The following KAZN variants were observed in gnomAD, a reference collection of about 807,000 sequenced individuals.
The protein encoded by KAZN is kazrin.
Under a neutral mutation model 87.4 loss-of-function variants are expected in KAZN, and 40 were observed. That is an observed-to-expected ratio of 0.46 (90% CI 0.36 to 0.60). The LOEUF is 0.60. Ranked by LOEUF, KAZN falls within the 20% of genes least tolerant of loss-of-function variation. The pLI is 0.00. For missense variants in KAZN, 898 were observed against 1,073.9 expected (o/e 0.84, Z 2.29); for synonymous variants, 466 against 458.3 (o/e 1.02, Z -0.22).
chr1:14,516,777 T>C lies in KAZN; in HGVS notation c.250-82206T>C, dbSNP rs140824992. On this transcript the variant is annotated intron_variant, in intron 2 of 16. Coordinates refer to the KAZN transcript ENST00000636203. ...GTCCTTACCTATTGGTTCCTGTCCT[T>C]TTCCCATCCACAGCTCCATTTCTCT... Among the ~76,000 whole-genome samples, 50 of 152,284 alleles carry C rather than the reference T, an allele frequency of 3.3e-4. 1 individual carries two copies. The highest frequency in any genetic ancestry group is 1.2e-3 in the African/African-American group (48 of 41,560).
chr1:14,449,500 C>T (rs942757716), intron 2 of KAZN, among the ~76,000 whole-genome samples: 7 of 152,142 alleles, frequency 4.6e-5, no homozygotes, highest in Non-Finnish European at 2.9e-5. Flanking sequence ...TCCATGCCTC[C>T]CTGGGCAGCA....
chr1:14,956,299 GAAAAAA>G (rs35057453), intron 1 of KAZN, among the ~76,000 whole-genome samples: 1 of 99,592 alleles, frequency 1.0e-5, no homozygotes, highest in African/African-American at 4.5e-5. Context: ...AGAAGTCACT[GAAAAAA>G]AAAAAAAAAA....
intron 2 of KAZN, among the ~76,000 whole-genome samples, chr1:14,246,550 C>T (rs1571130284): frequency 6.6e-6 from 1 of 151,984 alleles, no homozygotes; most frequent in East Asian, 1.9e-4. Context: ...ATATATAACA[C>T]ACTTATGAAA....
chr1:14,504,837 CAAATT>C (rs1670465147), intron 2 of KAZN, among the ~76,000 whole-genome samples: 2 of 152,192 alleles, frequency 1.3e-5, no homozygotes, highest in African/African-American at 4.8e-5. Flanking sequence ...TGGAGGCCAA[CAAATT>C]AAAGGTTTTA....
intron 1 of KAZN, among the ~76,000 whole-genome samples, chr1:14,777,085 C>T (rs1645199102): frequency 6.6e-6 from 1 of 152,190 alleles, no homozygotes; most frequent in African/African-American, 2.4e-5. Context: ...ACTGCAAGTG[C>T]TGCCTCCCGG....
At chr1:14,886,896 C>G (rs1654128855) in intron 1 of KAZN, among the ~76,000 whole-genome samples, 1 of 152,192 alleles carries the variant, frequency 6.6e-6, no homozygotes, top group Non-Finnish European at 1.5e-5. Flanking sequence ...TCGTTAAGAG[C>G]TCCATAGGAC....
chr1:15,052,410 G>A (rs769084962), intron 4 of KAZN, among the ~76,000 whole-genome samples: 2 of 152,052 alleles, frequency 1.3e-5, no homozygotes, highest in South Asian at 2.1e-4. Flanking sequence ...AGAACAGCAC[G>A]GGAAAAACCT....
chr1:14,299,970 A>G (rs1557625164), intron 2 of KAZN, among the ~76,000 whole-genome samples: 1 of 152,110 alleles, frequency 6.6e-6, no homozygotes, highest in Non-Finnish European at 1.5e-5. Flanking sequence ...TAACATGGTT[A>G]GTTGGGAAAG....
chr1:14,430,487 TACTG>T (rs1665992383), intron 2 of KAZN, among the ~76,000 whole-genome samples: 1 of 152,218 alleles, frequency 6.6e-6, no homozygotes, highest in African/African-American at 2.4e-5. Context: ...GTCCTATTGA[TACTG>T]ACATCTTTTA....
At chr1:14,913,592 A>G (rs1381040050) in intron 1 of KAZN, among the ~76,000 whole-genome samples, 12 of 152,342 alleles carry the variant, frequency 7.9e-5, no homozygotes, top group Admixed American at 5.9e-4. Flanking sequence ...TGTCCAGAGT[A>G]CAGAACTCTC....
chr1:14,680,157 G>A (rs747431962), intron 1 of KAZN, among the ~76,000 whole-genome samples: 1 of 152,108 alleles, frequency 6.6e-6, no homozygotes, highest in Non-Finnish European at 1.5e-5. Flanking sequence ...AAAAATTACG[G>A]TATGATTCAC....
intron 1 of KAZN, among the ~76,000 whole-genome samples, chr1:14,072,605 C>T (rs1158618343): frequency 6.6e-6 from 1 of 152,134 alleles, no homozygotes; most frequent in Non-Finnish European, 1.5e-5. Context: ...ATTATGAAAG[C>T]CCTGGTATCC....
chr1:13,946,792 G>A (rs1416738794), intron 1 of KAZN, among the ~76,000 whole-genome samples: 1 of 152,160 alleles, frequency 6.6e-6, no homozygotes, highest in African/African-American at 2.4e-5. Flanking sequence ...CACTGCACCT[G>A]AGCCCTGTAA....
At chr1:14,510,378 C>CAA (rs70997152) in intron 2 of KAZN, among the ~76,000 whole-genome samples, 29,755 of 144,266 alleles carry the variant, frequency 0.21, 3,275 homozygotes, top group East Asian at 0.36. Flanking sequence ...AACTCCATCT[C>CAA]AAAAAAAAAA....
intron 1 of KAZN, among the ~76,000 whole-genome samples, chr1:14,851,322 C>T (rs1020338950): frequency 6.6e-6 from 1 of 152,204 alleles, no homozygotes; most frequent in Non-Finnish European, 1.5e-5. Flanking sequence ...CCAGCATGCC[C>T]TTCGTGTCCC....
intron 8 of KAZN, among the ~76,000 whole-genome samples, chr1:15,074,162 GT>G (rs1639634652): frequency 6.6e-6 from 1 of 152,376 alleles, no homozygotes; most frequent in South Asian, 2.1e-4. Context: ...CCTGTGGCCT[GT>G]GAAATCTGAG....
At chr1:14,572,922 G>A (rs1674958971) in intron 2 of KAZN, among the ~76,000 whole-genome samples, 1 of 152,184 alleles carries the variant, frequency 6.6e-6, no homozygotes, top group African/African-American at 2.4e-5. Context: ...TCTGGACATT[G>A]CTGAGTCAAG....
intron 2 of KAZN, among the ~76,000 whole-genome samples, chr1:14,315,603 A>G (rs750640238): frequency 6.6e-6 from 1 of 152,018 alleles, no homozygotes; most frequent in Non-Finnish European, 1.5e-5. Context: ...TTCTAACACT[A>G]TAGACCAAAT....
At chr1:14,775,777 A>G (rs1290510422) in intron 1 of KAZN, among the ~76,000 whole-genome samples, 2 of 152,234 alleles carry the variant, frequency 1.3e-5, no homozygotes, top group Admixed American at 6.5e-5. Flanking sequence ...TTCATAAGAT[A>G]CATGTCAGCC....
Sources: allele counts gnomAD v4.1 joint callset (sites outside exome capture counted in the v4.1 genomes callset), GRCh38; gene constraint gnomAD v4.1.1; transcripts MANE v1.5; gene names NCBI Gene and HGNC (gene_info 2026-07-23, HGNC 2026-07-21).